ZNF320: variants seen among roughly 807,000 people sequenced by gnomAD.
ZNF320 encodes the protein zinc finger gene 320.
ZNF320 carries 2 observed loss-of-function variants against 6.8 expected under a neutral mutation model. The observed-to-expected ratio is 0.29, with a 90% confidence interval of 0.12 to 0.93. The LOEUF (loss-of-function observed/expected upper bound fraction) is 0.93, where lower values mean the gene tolerates loss of function less well. Ranked by LOEUF, ZNF320 falls within the 40% of genes least tolerant of loss-of-function variation. The probability of loss-of-function intolerance (pLI) is 0.55; values close to 1 mark genes in which losing one functional copy is unlikely to be tolerated. For missense variants in ZNF320, 472 were observed against 611.0 expected (o/e 0.77, Z 2.40); for synonymous variants, 208 against 203.2 (o/e 1.02, Z -0.20).
chr19:52,866,244 A>ATATATATG, intron 5 of ZNF320, among the ~76,000 whole-genome samples: 1 of 147,136 alleles, frequency 6.8e-6, no homozygotes, highest in East Asian at 2.0e-4. Flanking sequence ...ATATATATAT[A>ATATATATG]TATAAAATCA....
At chr19:52,862,058 G>T in exon 6 of ZNF320, 1 of 373,646 alleles carries the variant, frequency 2.7e-6, no homozygotes, top group South Asian at 2.1e-5. Flanking sequence ...AGTTATGAAC[G>T]ATGTCTGAAA....
exon 6 of ZNF320, among the ~76,000 whole-genome samples, chr19:52,861,573 T>G (rs2063487158): frequency 6.6e-6 from 1 of 152,154 alleles, no homozygotes; most frequent in African/African-American, 2.4e-5. Context: ...TCTAACTGCC[T>G]TGGCCTCCCA....
At chr19:52,885,674 C>G (rs981341079) in intron 5 of ZNF320, among the ~76,000 whole-genome samples, 1 of 151,540 alleles carries the variant, frequency 6.6e-6, no homozygotes, top group African/African-American at 2.4e-5. Flanking sequence ...TGAGATTGCA[C>G]CATTGCACTC....
chr19:52,881,550 C>T lies in ZNF320; in HGVS notation c.576G>A (p.Lys192=), dbSNP rs748953242. ...IHTGEKPYKC[K]VCDKAFKHDS... is the part of the protein sequence containing the mutation. ...CATGCTTAAAAGCCTTGTCGCAAACCTTACATTTGTATGGTTTCTCTCCAG... is the reference window on the plus strand; with the variant it reads ...CATGCTTAAAAGCCTTGTCGCAAACTTTACATTTGTATGGTTTCTCTCCAG... The change falls in exon 6 of 6, where the codon AAG becomes AAA. Residue 192 remains lysine, a synonymous_variant. Transcript: ENST00000682928. 6.2e-7 allele frequency: 1 copy of T among 1,613,798 alleles called. No homozygotes were observed. The highest frequency in any genetic ancestry group is 1.3e-5 in the African/African-American group (1 of 74,932).
Position 52,865,451 on chromosome 19 carries a change from TGTAATAC to T in ZNF320, c.224-1299_224-1293del, listed in dbSNP as rs1192037625. On this transcript the variant is annotated intron_variant, in intron 5 of 5. Coordinates refer to the ZNF320 transcript ENST00000673631. ...TCCAGGCTTTATATATATATATATA[TGTAATAC>T]ATATATATATATTACATATATATAT... is the stretch of plus-strand genomic sequence containing the variant. 9.7e-3 allele frequency: 1,174 copies of T among 121,562 alleles called. 30 individuals are homozygous for T. The highest frequency in any genetic ancestry group is 0.018 in the Middle Eastern group (5 of 276). 7.5% of individuals were successfully genotyped at this position (121,562 alleles called of 1,614,324 possible).
At chr19:52,899,509 C>CTGGA (rs1392830238), upstream of ZNF320, among the ~76,000 whole-genome samples, 1 of 152,270 alleles carries the variant, frequency 6.6e-6, no homozygotes, top group African/African-American at 2.4e-5. Context: ...GTCACCCAGG[C>CTGGA]TGGAGTGCAG....
At chr19:52,891,580 G>A (rs949376965) in intron 2 of ZNF320, among the ~76,000 whole-genome samples, 2 of 152,076 alleles carry the variant, frequency 1.3e-5, no homozygotes, top group African/African-American at 4.8e-5. Flanking sequence ...TGATGTTTGG[G>A]GAAAGAGATA....
downstream of ZNF320, among the ~76,000 whole-genome samples, chr19:52,875,905 T>C (rs1476193966): frequency 4.6e-5 from 7 of 152,200 alleles, no homozygotes; most frequent in Non-Finnish European, 1.0e-4. Context: ...AGAAAAATCA[T>C]AGTAATATCT....
In ZNF320 at chr19:52,870,441, AC is replaced by A. The variant is rs1203611460; in HGVS notation, c.223+3550del. On this transcript the variant is annotated intron_variant, in intron 5 of 5. Coordinates refer to the ZNF320 transcript ENST00000673631. ...TGCAGTGAGCCAAGATCGGGCCACT[AC>A]ACTCCAGCCTGGGCAACAGAGCCAG... Among the ~76,000 whole-genome samples the A allele has an allele frequency of 1.1e-4, 16 of 148,088 alleles. 1 individual carries two copies. The highest frequency in any genetic ancestry group is 1.1e-3 in the South Asian group (5 of 4,628).
intron 2 of ZNF320, among the ~76,000 whole-genome samples, chr19:52,892,728 T>C (rs76191536): frequency 0.047 from 7,067 of 151,654 alleles, 540 homozygotes; most frequent in African/African-American, 0.16. Context: ...CTGCTCTCCC[T>C]GTTAAATTGT....
exon 6 of ZNF320, chr19:52,862,141 A>G: frequency 9.9e-6 from 4 of 404,902 alleles, no homozygotes; most frequent in Non-Finnish European, 2.0e-5. Context: ...CAACAGTTCT[A>G]GCATTACCAA....
the ZNF320 span, among the ~76,000 whole-genome samples, chr19:52,903,305 A>T: frequency 6.6e-6 from 1 of 152,214 alleles, no homozygotes; most frequent in Admixed American, 6.5e-5. Flanking sequence ...TGCTATTAAT[A>T]AGACCTTGTT....
At position 52,866,869 on chromosome 19, in the gene ZNF320, CAAAAAAAAA is replaced by C. The variant is rs58231328; in HGVS notation, c.224-2719_224-2711del. Among the ~76,000 whole-genome samples, 82 of 108,890 alleles carry C rather than the reference CAAAAAAAAA, an allele frequency of 7.5e-4. 1 individual carries two copies. In the Admixed American group the frequency reaches 8.8e-3, roughly 12 times the overall value. 71.4% of individuals were successfully genotyped at this position (108,890 alleles called of 152,430 possible). ...TGAGACACCTGTCTCACAAAACATA[CAAAAAAAAA>C]AAAAAAAAAAAAGAAAAGAAATGAC... On this transcript the variant is annotated intron_variant, in intron 5 of 5. Transcript: ENST00000673631.
At chr19:52,863,803 C>T (rs905284010) in exon 6 of ZNF320, 2 of 192,210 alleles carry the variant, frequency 1.0e-5, no homozygotes, top group Non-Finnish European at 2.1e-5. Flanking sequence ...GAGGCCGAGG[C>T]GGGTGGGTAT....
intron 1 of ZNF320, 95 bp downstream of exon 1, chr19:52,897,425 G>A (rs55680309): frequency 0.034 from 5,186 of 152,370 alleles, 144 homozygotes; most frequent in Non-Finnish European, 0.049. Flanking sequence ...AAAATTCCGC[G>A]ATAGGAGGTG....
At chr19:52,859,961 G>A (rs1429853505), downstream of ZNF320, among the ~76,000 whole-genome samples, 1 of 149,392 alleles carries the variant, frequency 6.7e-6, no homozygotes, top group Non-Finnish European at 1.5e-5. Context: ...CACCCAGGCT[G>A]GAATGCAGTG....
At chr19:52,862,725 CA>C in exon 6 of ZNF320, 5 of 442,538 alleles carry the variant, frequency 1.1e-5, no homozygotes, top group African/African-American at 2.0e-5. Context: ...GAATTGAGCC[CA>C]AAAACCTTTT....
At chr19:52,890,470 C>T (rs1422803753) in intron 3 of ZNF320, 142 bp from the exon 4 acceptor site, 1 of 682,658 alleles carries the variant, frequency 1.5e-6, no homozygotes, top group Non-Finnish European at 2.3e-6. Flanking sequence ...TAAACTCCTA[C>T]AGGAAAACTC....
intron 5 of ZNF320, among the ~76,000 whole-genome samples, chr19:52,870,297 G>C (rs558213811): frequency 6.6e-6 from 1 of 151,436 alleles, no homozygotes; most frequent in Non-Finnish European, 1.5e-5. Flanking sequence ...TGGCTAACAC[G>C]GTGAAACCTC....
Sources: gnomAD v4.1 joint callset for allele counts (sites outside exome capture counted in the v4.1 genomes callset) on GRCh38, gnomAD v4.1.1 for gene constraint, MANE v1.5 for transcripts, NCBI Gene and HGNC (gene_info 2026-07-23, HGNC 2026-07-21) for gene names.